RBFOX1: variants seen among roughly 807,000 people sequenced by gnomAD.
RBFOX1 encodes the protein RNA binding protein fox-1 homolog 1.
Under a neutral mutation model 57.7 loss-of-function variants are expected in RBFOX1, and 8 were observed. That is an observed-to-expected ratio of 0.14 (90% CI 0.08 to 0.25). The LOEUF is 0.25. Among genes scored for constraint, RBFOX1 ranks in the 10% least tolerant of loss-of-function variants. The pLI is 1.00. For missense variants in RBFOX1, 611 were observed against 548.5 expected (o/e 1.11, Z -1.14); for synonymous variants, 326 against 222.4 (o/e 1.47, Z -4.15).
intron 4 of RBFOX1, among the ~76,000 whole-genome samples, chr16:7,456,232 A>G (rs965105928): frequency 6.6e-6 from 1 of 152,310 alleles, no homozygotes; most frequent in South Asian, 2.1e-4. Flanking sequence ...CCTCCACGTT[A>G]GGACCCTCCT....
chr16:5,498,782 C>T (rs760274068), intron 2 of RBFOX1, among the ~76,000 whole-genome samples: 21 of 152,218 alleles, frequency 1.4e-4, no homozygotes, highest in Non-Finnish European at 2.1e-4. Context: ...TATATTTTTG[C>T]GTCTGGGCCT....
chr16:6,878,302 C>G (rs189588543), intron 3 of RBFOX1, among the ~76,000 whole-genome samples: 61 of 152,232 alleles, frequency 4.0e-4, no homozygotes, highest in Admixed American at 8.5e-4. Context: ...GGCTAATGAA[C>G]TATAAATGAA....
chr16:6,884,615 T>C lies in RBFOX1; in HGVS notation c.-15-167442T>C, dbSNP rs540049333. ...AGATTAAAAAACAAAAAAAACTAAATTGGCCAGGTGTGGTGGCTCACACCT... is the reference window on the plus strand; with the variant it reads ...AGATTAAAAAACAAAAAAAACTAAACTGGCCAGGTGTGGTGGCTCACACCT... On this transcript the variant is annotated intron_variant, in intron 3 of 15. Transcript: ENST00000550418. Among the ~76,000 whole-genome samples, 21 of 152,170 alleles carry C rather than the reference T, an allele frequency of 1.4e-4. No individual in the cohort carries two copies. In the East Asian group the frequency reaches 4.1e-3, roughly 29 times the overall value.
intron 3 of RBFOX1, among the ~76,000 whole-genome samples, chr16:5,687,312 C>T (rs1179633660): frequency 4.6e-5 from 7 of 152,016 alleles, no homozygotes; most frequent in Non-Finnish European, 1.0e-4. Context: ...AGTGTGTGGA[C>T]CGAGAGAGAC....
At chr16:7,500,704 C>T (rs1044258135) in intron 4 of RBFOX1, among the ~76,000 whole-genome samples, 2 of 152,198 alleles carry the variant, frequency 1.3e-5, no homozygotes, top group African/African-American at 4.8e-5. Flanking sequence ...TTCTGACTTT[C>T]TTTCAATATT....
chr16:6,361,216 A>C (rs571324817), intron 2 of RBFOX1, among the ~76,000 whole-genome samples: 22 of 152,244 alleles, frequency 1.4e-4, no homozygotes, highest in African/African-American at 5.1e-4. Flanking sequence ...TGTCGAGGAG[A>C]AGAAAGGCAC....
At chr16:6,476,185 G>T (rs1224434414) in intron 2 of RBFOX1, among the ~76,000 whole-genome samples, 1 of 152,094 alleles carries the variant, frequency 6.6e-6, no homozygotes, top group East Asian at 1.9e-4. Context: ...TACAGGAAAT[G>T]ACAAAGAAGA....
At chr16:5,464,859 G>T (rs1285179920) in intron 1 of RBFOX1, among the ~76,000 whole-genome samples, 1 of 152,210 alleles carries the variant, frequency 6.6e-6, no homozygotes, top group Admixed American at 6.5e-5. Context: ...GAGGCACAGG[G>T]TGTGGCTCTA....
chr16:5,728,650 A>T (rs548318766), intron 3 of RBFOX1, among the ~76,000 whole-genome samples: 4 of 151,880 alleles, frequency 2.6e-5, no homozygotes, highest in Admixed American at 2.0e-4. Flanking sequence ...TCCTGGGATG[A>T]CTCCGTAGGT....
chr16:6,874,857 C>T lies in RBFOX1; in HGVS notation c.-15-177200C>T, dbSNP rs915843971. ...GCATCAAAATCTCAGAAATGACACC[C>T]AATGAACTTACCCATGTAAGGAACA... On this transcript the variant is annotated intron_variant, in intron 3 of 15. Transcript: ENST00000550418. Among the ~76,000 whole-genome samples, 7 of 152,016 alleles carry T rather than the reference C, an allele frequency of 4.6e-5. No individual in the cohort carries two copies. In the South Asian group the frequency reaches 8.3e-4, roughly 18 times the overall value.
chr16:6,353,669 C>T (rs1026549456), intron 2 of RBFOX1, among the ~76,000 whole-genome samples: 5 of 152,058 alleles, frequency 3.3e-5, no homozygotes, highest in African/African-American at 9.7e-5. Context: ...CCTCGATGTC[C>T]CTAGCCCTTT....
At chr16:5,367,367 C>T (rs771778532) in intron 1 of RBFOX1, among the ~76,000 whole-genome samples, 2 of 152,122 alleles carry the variant, frequency 1.3e-5, no homozygotes, top group Non-Finnish European at 2.9e-5. Flanking sequence ...GAGGATTACT[C>T]CTAGGTAGAG....
chr16:6,498,940 G>A (rs967921731), intron 2 of RBFOX1, among the ~76,000 whole-genome samples: 3 of 152,146 alleles, frequency 2.0e-5, no homozygotes, highest in Admixed American at 2.0e-4. Flanking sequence ...ATGCCTTGGA[G>A]CCTTCTCCTC....
At chr16:5,618,401 G>A (rs1004535917) in intron 3 of RBFOX1, among the ~76,000 whole-genome samples, 1 of 152,078 alleles carries the variant, frequency 6.6e-6, no homozygotes, top group East Asian at 1.9e-4. Context: ...GCAGTGGTGC[G>A]ATCTCGGCTC....
chr16:5,278,217 A>G (rs1447392384), intron 1 of RBFOX1, among the ~76,000 whole-genome samples: 4 of 152,174 alleles, frequency 2.6e-5, no homozygotes, highest in African/African-American at 7.2e-5. Flanking sequence ...GTGAGATGAT[A>G]TCTCTTTGTG....
chr16:7,494,928 G>A (rs72636229), intron 4 of RBFOX1, among the ~76,000 whole-genome samples: 22,379 of 149,034 alleles, frequency 0.15, 2,674 homozygotes, highest in East Asian at 0.53. Context: ...ATTGGACCAA[G>A]GTAATGAGCA....
intron 3 of RBFOX1, among the ~76,000 whole-genome samples, chr16:6,945,701 G>C (rs1303031118): frequency 6.6e-6 from 1 of 152,054 alleles, no homozygotes; most frequent in Non-Finnish European, 1.5e-5. Flanking sequence ...GACCAGCCTG[G>C]CCAACATGGT....
chr16:6,560,033 C>G (rs745878248), intron 2 of RBFOX1, among the ~76,000 whole-genome samples: 35 of 152,106 alleles, frequency 2.3e-4, no homozygotes, highest in Admixed American at 1.2e-3. Context: ...CACTTACTAC[C>G]TATGCTAAAA....
intron 1 of RBFOX1, among the ~76,000 whole-genome samples, chr16:5,461,457 A>C (rs910242299): frequency 6.6e-6 from 1 of 152,250 alleles, no homozygotes; most frequent in African/African-American, 2.4e-5. Context: ...TGTGCTGGGC[A>C]CTGTTCAGAA....
Sources: gnomAD v4.1 joint callset for allele counts (sites outside exome capture counted in the v4.1 genomes callset) on GRCh38, gnomAD v4.1.1 for gene constraint, MANE v1.5 for transcripts, NCBI Gene and HGNC (gene_info 2026-07-23, HGNC 2026-07-21) for gene names.